Variants in CELF4 observed in about 807,000 individuals in gnomAD.
CELF4 encodes CUGBP Elav-like family member 4.
In CELF4, 18 loss-of-function variants were observed where a neutral mutation model predicts 59.9. The observed-to-expected ratio is 0.30, with a 90% CI of 0.21 to 0.45. The LOEUF (loss-of-function observed/expected upper bound fraction) is 0.45. CELF4 is among the 20% of genes least tolerant of loss of function. CELF4 has a pLI of 1.00. For synonymous variants in CELF4, 261 were observed against 267.1 expected (o/e 0.98, Z 0.22); for missense variants, 456 against 689.0 (o/e 0.66, Z 3.79).
At chr18:37,368,374 T>C (rs2154563709) in intron 2 of CELF4, among the ~76,000 whole-genome samples, 1 of 152,178 alleles carries the variant, frequency 6.6e-6, no homozygotes, top group Middle Eastern at 3.4e-3. Flanking sequence ...TTGTTGCCTG[T>C]CAGCCCTCCG....
intron 2 of CELF4, among the ~76,000 whole-genome samples, chr18:37,358,612 C>T (rs2098645256): frequency 6.6e-6 from 1 of 152,196 alleles, no homozygotes; most frequent in Non-Finnish European, 1.5e-5. Context: ...TTTGTGTTCT[C>T]CTGAATTAGT....
intron 1 of CELF4, among the ~76,000 whole-genome samples, chr18:37,490,723 C>A (rs1328667672): frequency 6.6e-6 from 1 of 152,132 alleles, no homozygotes; most frequent in African/African-American, 2.4e-5. Context: ...GGTGCAAACA[C>A]CTCCCCGTCT....
intron 2 of CELF4, among the ~76,000 whole-genome samples, chr18:37,423,817 T>C (rs987686982): frequency 6.6e-6 from 1 of 152,050 alleles, no homozygotes; most frequent in African/African-American, 2.4e-5. Context: ...AGATGCACCA[T>C]AGCTGAGAGG....
At chr18:37,537,184 C>T (rs914364143) in intron 1 of CELF4, among the ~76,000 whole-genome samples, 3 of 152,214 alleles carry the variant, frequency 2.0e-5, no homozygotes, top group African/African-American at 4.8e-5. Flanking sequence ...TCAGTTATCA[C>T]CACCTTGATC....
chr18:37,324,197 T>C (rs1428353877), intron 2 of CELF4, among the ~76,000 whole-genome samples: 4 of 152,180 alleles, frequency 2.6e-5, no homozygotes, highest in African/African-American at 9.7e-5. Context: ...TCTTTGAGCC[T>C]AGTCCACTTA....
At chr18:37,559,189 T>G (rs1380111062) in intron 1 of CELF4, among the ~76,000 whole-genome samples, 1 of 151,938 alleles carries the variant, frequency 6.6e-6, no homozygotes, top group Non-Finnish European at 1.5e-5. Context: ...TTTCCAGATT[T>G]TCTCCTTTTC....
chr18:37,303,501 G>A (rs548752303), intron 3 of CELF4, among the ~76,000 whole-genome samples: 1 of 152,184 alleles, frequency 6.6e-6, no homozygotes, highest in Non-Finnish European at 1.5e-5. Flanking sequence ...TTAGCAAAAG[G>A]CAGTCCCCAC....
intron 1 of CELF4, among the ~76,000 whole-genome samples, chr18:37,525,192 G>A (rs1044842885): frequency 3.3e-5 from 5 of 152,294 alleles, no homozygotes; most frequent in Admixed American, 6.5e-5. Context: ...GCGCTGGCCC[G>A]GCTGGAGGGA....
At chr18:37,457,478 C>A (rs766662593) in intron 2 of CELF4, among the ~76,000 whole-genome samples, 3 of 152,186 alleles carry the variant, frequency 2.0e-5, no homozygotes, top group Non-Finnish European at 4.4e-5. Context: ...GAGTCTTCCA[C>A]CAACCCACTT....
chr18:37,422,859 CA>C (rs2154594136), intron 2 of CELF4, among the ~76,000 whole-genome samples: 2 of 152,300 alleles, frequency 1.3e-5, no homozygotes, highest in South Asian at 4.1e-4. Flanking sequence ...CCTATTTCCC[CA>C]GCAGAAATGA....
chr18:37,536,305 T>TACA lies in CELF4; in HGVS notation c.286+29050_286+29051insTGT, dbSNP rs1439184231. 6.7e-4 allele frequency among the ~76,000 whole-genome samples: 102 copies of TACA among 152,250 alleles called. 2 individuals carry two copies. The East Asian group carries it at 0.019, about 28-fold the overall frequency. ...CAGAATGGTTGTGGGGTAAGGCTTG[T>TACA]GGTCTTCAGAGTCCCAAGGGACAGG... On this transcript the variant is annotated intron_variant, in intron 1 of 12. Coordinates refer to ENST00000420428, the MANE Select transcript of CELF4 (RefSeq NM_020180.4).
intron 1 of CELF4, among the ~76,000 whole-genome samples, chr18:37,522,606 C>T (rs557194466): frequency 3.9e-4 from 59 of 152,254 alleles, no homozygotes; most frequent in African/African-American, 1.1e-3. Flanking sequence ...TTAATAGACA[C>T]GTTGAGAGGA....
At chr18:37,553,562 T>C (rs969490933) in intron 1 of CELF4, among the ~76,000 whole-genome samples, 2 of 152,166 alleles carry the variant, frequency 1.3e-5, no homozygotes, top group Non-Finnish European at 2.9e-5. Flanking sequence ...CACTAAATCG[T>C]AGACTGTAAT....
intron 2 of CELF4, among the ~76,000 whole-genome samples, chr18:37,410,623 C>T (rs976422502): frequency 7.2e-5 from 11 of 152,206 alleles, no homozygotes; most frequent in Admixed American, 2.6e-4. Flanking sequence ...ACGCTTTTGG[C>T]GTGTGTGTTG....
chr18:37,511,666 C>T (rs970449858), intron 1 of CELF4, among the ~76,000 whole-genome samples: 8 of 151,870 alleles, frequency 5.3e-5, no homozygotes, highest in African/African-American at 1.5e-4. Context: ...CAGCACTTAG[C>T]GCTCAGTCAA....
At chr18:37,518,806 G>C (rs140738701) in intron 1 of CELF4, among the ~76,000 whole-genome samples, 1 of 152,360 alleles carries the variant, frequency 6.6e-6, no homozygotes, top group East Asian at 1.9e-4. Context: ...GCCCAGTGTG[G>C]TTCCTTACAG....
intron 1 of CELF4, among the ~76,000 whole-genome samples, chr18:37,498,171 G>A (rs981053877): frequency 2.6e-5 from 4 of 152,164 alleles, no homozygotes; most frequent in Non-Finnish European, 5.9e-5. Context: ...GGGTTTGGGG[G>A]CCCTGGAGTG....
At chr18:37,291,064 G>A (rs962996991) in intron 3 of CELF4, among the ~76,000 whole-genome samples, 4 of 151,984 alleles carry the variant, frequency 2.6e-5, no homozygotes, top group Non-Finnish European at 4.4e-5. Flanking sequence ...CATGTGCCAC[G>A]ATGCCTGGCT....
chr18:37,286,496 C>T lies in CELF4; in HGVS notation c.449-11253G>A, dbSNP rs189699265. On this transcript the variant is annotated intron_variant, in intron 3 of 12. Transcript: ENST00000420428. ...GGGCATGGGCCTCCTCGGTGCCTCC[C>T]GCCATCGCCAGAGACACAGTGAAAA... Among the ~76,000 whole-genome samples the T allele has an allele frequency of 2.6e-5, 4 of 152,292 alleles. No homozygotes were observed. The East Asian group carries it at 5.8e-4, about 22-fold the overall frequency.
Sources: allele counts gnomAD v4.1 joint callset (sites outside exome capture counted in the v4.1 genomes callset), GRCh38; gene constraint gnomAD v4.1.1; transcripts MANE v1.5; gene names NCBI Gene and HGNC (gene_info 2026-07-23, HGNC 2026-07-21).